EXOC6B: variants seen among roughly 807,000 people sequenced by gnomAD.
EXOC6B encodes SEC15 homolog B.
In EXOC6B, 54 loss-of-function variants were observed where a neutral mutation model predicts 113.5. That is an observed-to-expected ratio of 0.48 (90% CI 0.38 to 0.60). The LOEUF is 0.60. Ranked by LOEUF, EXOC6B falls within the 20% of genes least tolerant of loss-of-function variation. EXOC6B has a pLI of 0.00. For missense variants in EXOC6B, 797 were observed against 977.5 expected (o/e 0.82, Z 2.46); for synonymous variants, 357 against 339.0 (o/e 1.05, Z -0.58).
At chr2:72,219,902 T>C (rs967766035) in intron 20 of EXOC6B, among the ~76,000 whole-genome samples, 2 of 152,188 alleles carry the variant, frequency 1.3e-5, no homozygotes, top group African/African-American at 4.8e-5. Context: ...AAGTGATTTG[T>C]GCTGATGGAG....
At chr2:72,600,833 G>A (rs923702553) in intron 6 of EXOC6B, among the ~76,000 whole-genome samples, 1 of 151,800 alleles carries the variant, frequency 6.6e-6, no homozygotes, top group Non-Finnish European at 1.5e-5. Context: ...CCTATGAAAG[G>A]AAAAAGTAAT....
intron 20 of EXOC6B, among the ~76,000 whole-genome samples, chr2:72,225,781 T>G (rs1260840536): frequency 6.6e-6 from 1 of 152,212 alleles, no homozygotes; most frequent in Non-Finnish European, 1.5e-5. Flanking sequence ...TATTGGGCAT[T>G]ATTTCTTATC....
intron 6 of EXOC6B, among the ~76,000 whole-genome samples, chr2:72,701,084 C>A (rs1678297355): frequency 6.6e-6 from 1 of 152,092 alleles, no homozygotes; most frequent in Non-Finnish European, 1.5e-5. Context: ...TGGCTCACGC[C>A]TGTAATCCCA....
At chr2:72,606,214 T>A (rs930432940) in intron 6 of EXOC6B, among the ~76,000 whole-genome samples, 2 of 152,176 alleles carry the variant, frequency 1.3e-5, no homozygotes, top group African/African-American at 4.8e-5. Context: ...TTCAATTCTT[T>A]AAATGAAGTC....
At chr2:72,592,959 C>T (rs1706066546) in intron 6 of EXOC6B, among the ~76,000 whole-genome samples, 2 of 152,012 alleles carry the variant, frequency 1.3e-5, no homozygotes, top group Admixed American at 6.6e-5. Flanking sequence ...ATTTTCAGCC[C>T]CACCCCTTGA....
intron 20 of EXOC6B, among the ~76,000 whole-genome samples, chr2:72,186,719 T>G (rs1678456544): frequency 6.6e-6 from 1 of 152,224 alleles, no homozygotes; most frequent in South Asian, 2.1e-4. Flanking sequence ...TTTAAATGAA[T>G]TCCTAATTTC....
At chr2:72,272,125 A>G (rs1292649675) in intron 20 of EXOC6B, among the ~76,000 whole-genome samples, 4 of 152,134 alleles carry the variant, frequency 2.6e-5, no homozygotes, top group Non-Finnish European at 5.9e-5. Flanking sequence ...TCAGGGAGGT[A>G]AAAAAGTGAA....
At chr2:72,531,234 T>C (rs1255640679) in intron 8 of EXOC6B, among the ~76,000 whole-genome samples, 2 of 152,192 alleles carry the variant, frequency 1.3e-5, no homozygotes, top group Non-Finnish European at 2.9e-5. Flanking sequence ...GTGTATCTAT[T>C]TATACATTTG....
intron 18 of EXOC6B, among the ~76,000 whole-genome samples, chr2:72,408,508 C>T (rs1420761897): frequency 4.6e-5 from 7 of 152,066 alleles, no homozygotes; most frequent in African/African-American, 1.4e-4. Flanking sequence ...GTACTGGTAC[C>T]AAAACAGAGA....
chr2:72,444,533 G>A (rs1696444289), intron 18 of EXOC6B, among the ~76,000 whole-genome samples: 1 of 152,238 alleles, frequency 6.6e-6, no homozygotes, highest in Non-Finnish European at 1.5e-5. Flanking sequence ...TTCTCCATGA[G>A]AGTTCTGCCC....
At chr2:72,376,186 G>A (rs1691347189) in intron 19 of EXOC6B, among the ~76,000 whole-genome samples, 1 of 152,108 alleles carries the variant, frequency 6.6e-6, no homozygotes, top group South Asian at 2.1e-4. Flanking sequence ...GATCTGGGTT[G>A]ACATATACTA....
intron 18 of EXOC6B, among the ~76,000 whole-genome samples, chr2:72,424,993 C>T (rs967986285): frequency 2.6e-5 from 4 of 152,024 alleles, no homozygotes; most frequent in Non-Finnish European, 5.9e-5. Flanking sequence ...TTCTCCTATC[C>T]TCCTCCCTCC....
rs182271862 is a variant in EXOC6B at position 72,638,653 on chromosome 2, G to A, written c.670-62985C>T. ...TCTCATCATGGGTCTCTGGAACCCC[G>A]GCAGGAGGAGATGCCTCAACCACCA... On this transcript the variant is annotated intron_variant, in intron 6 of 21. Transcript: ENST00000272427. Among the ~76,000 whole-genome samples, 86 of 152,274 alleles carry A rather than the reference G, an allele frequency of 5.6e-4. 2 individuals carry two copies. Among genetic ancestry groups the A allele is most frequent in the Middle Eastern group, 3.4e-3 (1 of 294 alleles).
At chr2:72,607,521 T>A (rs1459921003) in intron 6 of EXOC6B, among the ~76,000 whole-genome samples, 1 of 152,148 alleles carries the variant, frequency 6.6e-6, no homozygotes, top group South Asian at 2.1e-4. Flanking sequence ...AATCTCTCTC[T>A]CAAAAAATAA....
At chr2:72,628,431 A>C (rs1289196651) in intron 6 of EXOC6B, among the ~76,000 whole-genome samples, 8 of 152,082 alleles carry the variant, frequency 5.3e-5, no homozygotes, top group Admixed American at 5.2e-4. Flanking sequence ...GCCTGGCCCT[A>C]GAAAATTATT....
intron 20 of EXOC6B, among the ~76,000 whole-genome samples, chr2:72,204,070 T>C (rs1469800528): frequency 1.3e-5 from 2 of 152,122 alleles, no homozygotes; most frequent in African/African-American, 4.8e-5. Flanking sequence ...AAAGTCCCTG[T>C]CCTTCTTCCT....
intron 6 of EXOC6B, among the ~76,000 whole-genome samples, chr2:72,625,070 G>GT (rs1233974389): frequency 1.4e-5 from 2 of 147,968 alleles, no homozygotes; most frequent in African/African-American, 5.0e-5. Flanking sequence ...TTTTTTGGGG[G>GT]GGGGGTGGGT....
intron 1 of EXOC6B, among the ~76,000 whole-genome samples, chr2:72,824,824 G>C (rs1349569185): frequency 6.6e-6 from 1 of 152,176 alleles, no homozygotes; most frequent in Non-Finnish European, 1.5e-5. Flanking sequence ...CCAACAGTAA[G>C]TACAGGTAGC....
At chr2:72,747,434 G>A (rs1681770695) in intron 1 of EXOC6B, among the ~76,000 whole-genome samples, 1 of 151,990 alleles carries the variant, frequency 6.6e-6, no homozygotes, top group South Asian at 2.1e-4. Context: ...TTCTGAAAAG[G>A]AAGAAGATAT....
Sources: gnomAD v4.1 joint callset for allele counts (sites outside exome capture counted in the v4.1 genomes callset) on GRCh38, gnomAD v4.1.1 for gene constraint, MANE v1.5 for transcripts, NCBI Gene and HGNC (gene_info 2026-07-23, HGNC 2026-07-21) for gene names.